Variants in FAM161A observed in about 807,000 individuals in gnomAD.
The protein encoded by FAM161A is FAM161 centrosomal protein A.
A neutral mutation model predicts 70.9 loss-of-function variants in FAM161A; 57 were observed. The observed-to-expected ratio is 0.80, with a 90% CI of 0.65 to 1.00. The LOEUF (loss-of-function observed/expected upper bound fraction) is 1.00. Ranked by LOEUF, FAM161A falls within the 50% of genes least tolerant of loss-of-function variation. The pLI, the probability that FAM161A is intolerant of heterozygous loss-of-function variation, is 0.00. For missense variants in FAM161A, 880 were observed against 836.0 expected (o/e 1.05, Z -0.65); for synonymous variants, 299 against 295.7 (o/e 1.01, Z -0.12).
the FAM161A span, among the ~76,000 whole-genome samples, chr2:61,804,476 G>C: frequency 2.0e-5 from 3 of 151,984 alleles, no homozygotes; most frequent in African/African-American, 7.3e-5. Flanking sequence ...CCTGAGGTCA[G>C]GAGTTTGAGA....
At chr2:61,803,359 C>T in the FAM161A span, 3 of 701,044 alleles carry the variant, frequency 4.3e-6, no homozygotes, top group East Asian at 2.7e-5. Flanking sequence ...AAGACATGGC[C>T]TGTATGAGAA....
At chr2:61,838,892 A>ATTTTTATTT (rs1672885185) in intron 3 of FAM161A, among the ~76,000 whole-genome samples, 187 bp from the exon 4 acceptor site, 1 of 130,278 alleles carries the variant, frequency 7.7e-6, no homozygotes, top group African/African-American at 2.7e-5. Flanking sequence ...TTATTTATTT[A>ATTTTTATTT]TTTTTTTTGA....
the FAM161A span, among the ~76,000 whole-genome samples, chr2:61,810,453 C>CTTTTTTTT: frequency 1.9e-4 from 18 of 95,614 alleles, no homozygotes; most frequent in Admixed American, 2.3e-4. Context: ...CCAGCACTTC[C>CTTTTTTTT]TTTTTTTTTT....
At chr2:61,823,063 G>C (rs951892727), downstream of FAM161A, among the ~76,000 whole-genome samples, 1 of 151,350 alleles carries the variant, frequency 6.6e-6, no homozygotes, top group Non-Finnish European at 1.5e-5. Flanking sequence ...GAATAATTGC[G>C]GTGGCTCATG....
chr2:61,810,785 G>C, the FAM161A span, among the ~76,000 whole-genome samples: 2 of 152,020 alleles, frequency 1.3e-5, no homozygotes, highest in Non-Finnish European at 2.9e-5. Flanking sequence ...CTGATCTGCT[G>C]TGCAGCCAAG....
At chr2:61,807,774 G>A in the FAM161A span, among the ~76,000 whole-genome samples, 2 of 151,822 alleles carry the variant, frequency 1.3e-5, no homozygotes, top group Admixed American at 6.6e-5. Context: ...CTGAGTAGCT[G>A]GGACTACAGG....
At chr2:61,823,386 T>TATATATATATATATATATATATA (rs1558470704), downstream of FAM161A, among the ~76,000 whole-genome samples, 44 of 135,132 alleles carry the variant, frequency 3.3e-4, no homozygotes, top group East Asian at 6.4e-4. Context: ...TATATATATA[T>TATATATATATATATATATATATA]TGAGTCAGGG....
chr2:61,806,085 G>A, the FAM161A span, among the ~76,000 whole-genome samples: 2 of 152,092 alleles, frequency 1.3e-5, no homozygotes, highest in East Asian at 3.9e-4. Flanking sequence ...GGGTGTGGTG[G>A]CACATGCCTG....
chr2:61,813,704 G>T, the FAM161A span, among the ~76,000 whole-genome samples: 1 of 137,362 alleles, frequency 7.3e-6, no homozygotes, highest in African/African-American at 2.8e-5. Flanking sequence ...GCGTGACAGA[G>T]CAAGACCCTG....
chr2:61,820,485 A>G, downstream of FAM161A: 1 of 755,128 alleles, frequency 1.3e-6, no homozygotes, highest in South Asian at 1.3e-5. Flanking sequence ...AAGGTTCTCA[A>G]AGACCAGGTG....
intron 5 of FAM161A, among the ~76,000 whole-genome samples, chr2:61,827,707 A>G (rs536995908): frequency 2.0e-5 from 3 of 152,118 alleles, no homozygotes; most frequent in African/African-American, 7.2e-5. Context: ...ATGACCAACA[A>G]TTACACTCCT....
chr2:61,819,600 G>A, the FAM161A span, among the ~76,000 whole-genome samples: 1 of 152,100 alleles, frequency 6.6e-6, no homozygotes, highest in Non-Finnish European at 1.5e-5. Flanking sequence ...TCAGTGGACT[G>A]TTCTATATTA....
At chr2:61,800,595 T>A in the FAM161A span, among the ~76,000 whole-genome samples, 1 of 152,094 alleles carries the variant, frequency 6.6e-6, no homozygotes, top group South Asian at 2.1e-4. Flanking sequence ...AAGCCACTGT[T>A]TGAGAGCTGA....
At chr2:61,823,077 G>A (rs546886846), downstream of FAM161A, among the ~76,000 whole-genome samples, 754 of 149,708 alleles carry the variant, frequency 5.0e-3, 3 homozygotes, top group African/African-American at 0.018. Flanking sequence ...GCTCATGCCT[G>A]TAATCCCAGC....
At chr2:61,845,816 C>T (rs532737487) in intron 1 of FAM161A, among the ~76,000 whole-genome samples, 5 of 130,312 alleles carry the variant, frequency 3.8e-5, no homozygotes, top group Admixed American at 7.7e-5. Flanking sequence ...AGGCTGGGCG[C>T]GGTAGCTCAC....
the FAM161A span, among the ~76,000 whole-genome samples, chr2:61,807,990 T>G: frequency 6.6e-6 from 1 of 152,106 alleles, no homozygotes; most frequent in Admixed American, 6.5e-5. Flanking sequence ...TGCTAGACAT[T>G]TGGGTATTCC....
At chr2:61,845,755 A>G (rs2105092987) in intron 1 of FAM161A, among the ~76,000 whole-genome samples, 1 of 151,526 alleles carries the variant, frequency 6.6e-6, no homozygotes, top group East Asian at 2.0e-4. Context: ...TGAGCGCGCC[A>G]CTGCACTTGA....
chr2:61,802,304 C>T, the FAM161A span, among the ~76,000 whole-genome samples: 1 of 152,168 alleles, frequency 6.6e-6, no homozygotes, highest in Non-Finnish European at 1.5e-5. Flanking sequence ...CCATCCCATA[C>T]CTAGGAGAAG....
At chr2:61,845,470 C>T (rs972867374) in intron 1 of FAM161A, among the ~76,000 whole-genome samples, 9 of 152,010 alleles carry the variant, frequency 5.9e-5, no homozygotes, top group Admixed American at 3.3e-4. Flanking sequence ...GCTTTTGTTT[C>T]GTTTGAGTTT....
Sources: gnomAD v4.1 joint callset for allele counts (sites outside exome capture counted in the v4.1 genomes callset) on GRCh38, gnomAD v4.1.1 for gene constraint, MANE v1.5 for transcripts, NCBI Gene and HGNC (gene_info 2026-07-23, HGNC 2026-07-21) for gene names.